The following SAMD9 variants were observed in gnomAD, a reference collection of about 807,000 sequenced individuals.
The protein encoded by SAMD9 is sterile alpha motif domain-containing protein 9.
Under a neutral mutation model 1.5 loss-of-function variants are expected in SAMD9, and 3 were observed. That is an observed-to-expected ratio of 2.05 (90% CI 0.93 to 5.29). The LOEUF is 5.29. Among genes scored for constraint, SAMD9 ranks in the 30% most tolerant of loss-of-function variants. The pLI, the probability that SAMD9 is intolerant of heterozygous loss-of-function variation, is 0.02. For missense variants in SAMD9, 1,597 were observed against 1,820.8 expected (o/e 0.88, Z 2.24); for synonymous variants, 635 against 631.9 (o/e 1.00, Z -0.07).
At position 93,101,041 on chromosome 7, in the gene SAMD9, A is replaced by G. The variant is rs1022709838; in HGVS notation, c.*287T>C. ...GGGTTCTGTGTAGCCAGCTTATTACACTAACTTCTCCTGACTCCAGTCATA... is the reference window on the plus strand; with the variant it reads ...GGGTTCTGTGTAGCCAGCTTATTACGCTAACTTCTCCTGACTCCAGTCATA... On this transcript the variant is annotated 3_prime_UTR_variant, in exon 3 of 3. Coordinates refer to ENST00000379958, the MANE Select transcript of SAMD9 (RefSeq NM_017654.4). The G allele has an allele frequency of 3.1e-5, 13 of 423,866 alleles. No homozygotes were observed. Among genetic ancestry groups the G allele is most frequent in the Non-Finnish European group, 4.7e-5 (11 of 232,682 alleles). 26.3% of individuals were successfully genotyped at this position (423,866 alleles called of 1,614,324 possible).
At chr7:93,108,179 G>C (rs1004193950) in intron 2 of SAMD9, among the ~76,000 whole-genome samples, 1 of 152,206 alleles carries the variant, frequency 6.6e-6, no homozygotes, top group Non-Finnish European at 1.5e-5. Context: ...TGTGGCTAAG[G>C]CTTCTGCTGT....
chr7:93,102,478 G>A lies in SAMD9; in HGVS notation c.3620C>T (p.Thr1207Ile). The stretch of plus-strand genomic sequence containing the variant: ...AGGAATGAGCTGGAGAATTTGGATT[G>A]TGTAAAGCCCAACTTCTATCTCTCC... Reference protein sequence around the residue: ...YQGEIEVGLYTIQILQLIPFF... With the variant: ...YQGEIEVGLYIIQILQLIPFF... Residue 1207 changes from threonine (T) to isoleucine (I), a missense_variant, in exon 3 of 3, where the codon ACA (threonine) becomes ATA (isoleucine). Transcript: ENST00000379958. 6.2e-7 allele frequency: 1 copy of A among 1,613,694 alleles called. No individual in the cohort carries two copies. Among genetic ancestry groups the A allele is most frequent in the East Asian group, 2.2e-5 (1 of 44,856 alleles).
chr7:93,102,409 T>C lies in SAMD9; in HGVS notation c.3689A>G (p.Asn1230Ser), dbSNP rs771903224. The C allele has an allele frequency of 1.9e-6, 3 of 1,611,882 alleles. No individual in the cohort carries two copies. Among genetic ancestry groups the C allele is most frequent in the Admixed American group, 1.7e-5 (1 of 59,944 alleles). Residue 1230 changes from asparagine to serine, a missense_variant, in exon 3 of 3, where the codon AAT (asparagine) becomes AGT (serine). Physicochemically the swap from Asn to Ser is conservative, Grantham distance 46. This residue lies in a region of SAMD9 where 682 missense variants were observed against 810.0 expected (regional missense o/e 0.84). Transcript: ENST00000379958. ...KNELSKRYMV[N>S]FVSGSSDIPG... ...AATATCACTACTTCCTGATACAAAA[T>C]TGACCATATATCTTTTAGATAGCTC... is the stretch of plus-strand genomic sequence containing the variant.
chr7:93,108,673 G>A (rs1224629873), intron 2 of SAMD9, among the ~76,000 whole-genome samples: 5 of 152,160 alleles, frequency 3.3e-5, no homozygotes. Context: ...TGGCTCAGAG[G>A]GTCCCACACC....
At chr7:93,112,306 C>T (rs1447796207) in intron 2 of SAMD9, among the ~76,000 whole-genome samples, 2 of 152,294 alleles carry the variant, frequency 1.3e-5, no homozygotes, top group East Asian at 1.9e-4. Context: ...GGACATATCT[C>T]AAAATAATAA....
At chr7:93,106,224 G>T (rs1791642851) in intron 2 of SAMD9, 119 bp from the exon 3 acceptor site, 4 of 570,272 alleles carry the variant, frequency 7.0e-6, no homozygotes, top group Non-Finnish European at 2.8e-6. Context: ...ATATGCCAAT[G>T]AATTATCTCT....
rs561525484 is a variant in SAMD9 at position 93,108,197 on chromosome 7, C to T, written c.-8-2092G>A. On this transcript the variant is annotated intron_variant, in intron 2 of 2. Coordinates refer to ENST00000379958, the MANE Select transcript of SAMD9 (RefSeq NM_017654.4). ...GGCTAAGGCTTCTGCTGTGTGTGCG[C>T]GCAGGTGTGACTTGTGTCCGCAAAG... Among the ~76,000 whole-genome samples, 45 of 152,316 alleles carry T rather than the reference C, an allele frequency of 3.0e-4. No homozygotes were observed. In the South Asian group the frequency reaches 4.8e-3, roughly 16 times the overall value.
intron 2 of SAMD9, among the ~76,000 whole-genome samples, chr7:93,111,388 T>A (rs1245690896): frequency 2.0e-5 from 3 of 151,834 alleles, no homozygotes; most frequent in Admixed American, 1.3e-4. Context: ...AACATCACAA[T>A]TAAAAGAACT....
chr7:93,111,601 T>C (rs1446310983), intron 2 of SAMD9, among the ~76,000 whole-genome samples: 3 of 151,866 alleles, frequency 2.0e-5, no homozygotes, highest in Non-Finnish European at 2.9e-5. Context: ...ATCAAATAGA[T>C]GCAATAAAAA....
At chr7:93,111,340 C>T (rs1366984953) in intron 2 of SAMD9, among the ~76,000 whole-genome samples, 1 of 152,154 alleles carries the variant, frequency 6.6e-6, no homozygotes, top group Non-Finnish European at 1.5e-5. Context: ...ACTAAATGCC[C>T]ACAGGAGATA....
At position 93,103,093 on chromosome 7, in the gene SAMD9, A is replaced by G. The variant is rs563839759; in HGVS notation, c.3005T>C (p.Leu1002Pro). The G allele has an allele frequency of 8.1e-6, 13 of 1,613,830 alleles. No individual in the cohort carries two copies. The East Asian group carries it at 1.3e-4, about 17-fold the overall frequency. ...ATCCAACATAATTTGACTTTTATTC[A>G]GGTGATAGCTTTTCTTCAATTCTTC... ...SLEELKKSYH[L>P]NKSQIMLDML... Residue 1002 changes from leucine (L) to proline (P), a missense_variant, in exon 3 of 3, where the codon CTG (leucine) becomes CCG (proline). Physicochemically the swap from Leu to Pro is moderately conservative, Grantham distance 98. Transcript: ENST00000379958.
At chr7:93,111,247 T>C (rs1170317310) in intron 2 of SAMD9, among the ~76,000 whole-genome samples, 1 of 152,182 alleles carries the variant, frequency 6.6e-6, no homozygotes, top group Non-Finnish European at 1.5e-5. Flanking sequence ...AAAGATGTTC[T>C]TTGAAACCAA....
Position 93,104,966 on chromosome 7 carries a change from C to A in SAMD9, c.1132G>T (p.Glu378Ter), listed in dbSNP as rs1419958645. The change falls in exon 3 of 3, where the codon GAA (glutamate) becomes TAA (stop). Residue 378 changes from glutamate to a stop codon, truncating the protein, a stop_gained. Transcript: ENST00000379958. LOFTEE classifies it low-confidence loss of function (END_TRUNC). Reference protein sequence around the residue: ...TLAESRKAAEEKFRAKTNKKE... With the variant: ...TLAESRKAAE ...TTATTTGTTTTTGCTCTGAATTTTTCTTCTGCTGCTTTTCTGGACTCTGCC... is the reference window on the plus strand; with the variant it reads ...TTATTTGTTTTTGCTCTGAATTTTTATTCTGCTGCTTTTCTGGACTCTGCC... The A allele has an allele frequency of 1.2e-6, 2 of 1,610,894 alleles. No homozygotes were observed. The highest frequency in any genetic ancestry group is 1.7e-5 in the Admixed American group (1 of 59,512).
Position 93,103,433 on chromosome 7 carries a change from T to G in SAMD9, c.2665A>C (p.Lys889Gln), listed in dbSNP as rs1370841140. 9.3e-6 allele frequency: 15 copies of G among 1,613,312 alleles called. No homozygotes were observed. Among genetic ancestry groups the G allele is most frequent in the Non-Finnish European group, 1.3e-5 (15 of 1,179,506 alleles). ...FEDFYSFMIMKTNFNKEYIEN... is the reference protein window; with the variant it reads ...FEDFYSFMIMQTNFNKEYIEN... Reference sequence around the variant, plus strand: ...ATGTATTCTTTATTAAAATTGGTTTTCATGATCATAAAGGAATAAAAATCC... The same window carrying G: ...ATGTATTCTTTATTAAAATTGGTTTGCATGATCATAAAGGAATAAAAATCC... The change falls in exon 3 of 3, where the codon AAA becomes CAA. Residue 889 changes from lysine to glutamine, a missense_variant. Lys to Gln is a moderately conservative substitution (Grantham distance 53). Around this residue, in one of 6 missense-constraint regions of SAMD9, gnomAD observed 682 missense variants for 810.0 expected, o/e 0.84. Coordinates refer to ENST00000379958, the MANE Select transcript of SAMD9 (RefSeq NM_017654.4).
chr7:93,102,046 A>C lies in SAMD9; in HGVS notation c.4052T>G (p.Leu1351Arg). Reference sequence around the variant, plus strand: ...TATAGCATCCTCTTGACTTTTGATAAGATATTCCAAGAGCCCAGAAAACTT... The same window carrying C: ...TATAGCATCCTCTTGACTTTTGATACGATATTCCAAGAGCCCAGAAAACTT... ...ADKFSGLLEY[L>R]IKSQEDAIST... The change falls in exon 3 of 3, where the codon CTT becomes CGT. Residue 1351 changes from leucine (L) to arginine (R), a missense_variant. By Grantham distance (102) the Leu-to-Arg change is moderately radical. Transcript: ENST00000379958. 1 of 1,613,204 alleles carries C rather than the reference A, an allele frequency of 6.2e-7. No homozygotes were observed. Among genetic ancestry groups the C allele is most frequent in the African/African-American group, 1.3e-5 (1 of 75,022 alleles).
rs778463566 is a variant in SAMD9, at chr7:93,105,931, T to C, written c.167A>G (p.Asp56Gly). The C allele has an allele frequency of 2.5e-6, 4 of 1,612,490 alleles. No homozygotes were observed. The highest frequency in any genetic ancestry group is 3.4e-6 in the Non-Finnish European group (4 of 1,179,278). The change falls in exon 3 of 3, where the codon GAT (aspartate) becomes GGT (glycine). Residue 56 changes from aspartate (D) to glycine (G), a missense_variant. This residue lies in a region of SAMD9 where 498 missense variants were observed against 457.4 expected (regional missense o/e 1.09). Transcript: ENST00000379958. ...AGCTGGTCCATGTGTGATGCCCATA[T>C]CAACAAGATGTTCTTTTTTTAACCA... ...LKWLKKEHLV[D>G]MGITHGPAIQ... is the part of the protein sequence containing the mutation.
intron 1 of SAMD9, among the ~76,000 whole-genome samples, chr7:93,115,799 G>T (rs1039533120): frequency 2.6e-5 from 4 of 152,148 alleles, no homozygotes; most frequent in Admixed American, 1.3e-4. Context: ...TGGTATGTGA[G>T]GTCCTAAAGT....
At chr7:93,106,210 A>G in intron 2 of SAMD9, 105 bp from the exon 3 acceptor site, 1 of 659,758 alleles carries the variant, frequency 1.5e-6, no homozygotes, top group African/African-American at 1.8e-5. Flanking sequence ...AAAAGCTCAA[A>G]AGGATATGCC....
At chr7:93,116,216 A>G (rs1044133189) in intron 1 of SAMD9, among the ~76,000 whole-genome samples, 3 of 152,114 alleles carry the variant, frequency 2.0e-5, no homozygotes, top group African/African-American at 7.2e-5. Flanking sequence ...GTCTCTGGTG[A>G]TATGTCATAA....
Sources: gnomAD v4.1 joint callset for allele counts (sites outside exome capture counted in the v4.1 genomes callset) on GRCh38, gnomAD v4.1.1 for gene constraint, gnomAD v4.1.1 regional missense constraint, MANE v1.5 for transcripts, NCBI Gene and HGNC (gene_info 2026-07-23, HGNC 2026-07-21) for gene names.